The following CEP112 variants were observed in gnomAD, a reference collection of about 807,000 sequenced individuals.
CEP112 encodes the protein centrosomal protein 112.
CEP112 carries 127 observed loss-of-function variants against 153.0 expected under a neutral mutation model. The ratio of observed to expected loss-of-function variants is 0.83; its 90% CI spans 0.72 to 0.96. CEP112 has a LOEUF of 0.96. Among genes scored for constraint, CEP112 ranks in the 40% least tolerant of loss-of-function variants. CEP112 has a pLI of 0.00. For synonymous variants in CEP112, 358 were observed against 374.4 expected, an observed-to-expected ratio of 0.96 and a Z score of 0.51; for missense variants, 1,089 against 1,101.2, an observed-to-expected ratio of 0.99 and a Z score of 0.16.
intron 24 of CEP112, among the ~76,000 whole-genome samples, chr17:65,643,853 G>A (rs755286037): frequency 4.2e-4 from 64 of 152,310 alleles, no homozygotes; most frequent in East Asian, 5.8e-4. Context: ...CAGAAAATTT[G>A]GCAAATATGT....
At chr17:66,172,772 G>A (rs1020935948) in intron 4 of CEP112, among the ~76,000 whole-genome samples, 5 of 152,152 alleles carry the variant, frequency 3.3e-5, no homozygotes, top group African/African-American at 1.2e-4. Context: ...CATAGCCACT[G>A]CACTGAAACT....
At chr17:66,076,149 G>A (rs1486250390) in intron 8 of CEP112, among the ~76,000 whole-genome samples, 1 of 152,220 alleles carries the variant, frequency 6.6e-6, no homozygotes, top group African/African-American at 2.4e-5. Context: ...ACCACAGAGA[G>A]AAGGAAGTCT....
intron 24 of CEP112, among the ~76,000 whole-genome samples, chr17:65,679,129 CT>C (rs57907674): frequency 1.6e-4 from 5 of 31,630 alleles, no homozygotes; most frequent in Non-Finnish European, 2.4e-4. Context: ...GTGGTTCAAG[CT>C]TTTTTTTTTT....
chr17:65,977,581 G>C (rs1265355334), intron 17 of CEP112, among the ~76,000 whole-genome samples: 1 of 152,150 alleles, frequency 6.6e-6, no homozygotes, highest in Non-Finnish European at 1.5e-5. Context: ...ATGGTCCTAT[G>C]GCAGAGAACA....
rs1159744619 is a variant in CEP112, at chr17:65,970,352, TA to T, written c.1737-8755del. ...GCATGCATATTACATGCATGTGCAC[TA>T]TGTGCCTATATTACATGCACACATC... On this transcript the variant is annotated intron_variant, in intron 17 of 26. Transcript: ENST00000535342. 2.4e-5 allele frequency among the ~76,000 whole-genome samples: 2 copies of T among 83,448 alleles called. 1 individual carries two copies. Among genetic ancestry groups the T allele is most frequent in the Non-Finnish European group, 5.4e-5 (2 of 36,842 alleles). 54.7% of individuals were successfully genotyped at this position (83,448 alleles called of 152,430 possible).
chr17:66,007,572 G>C (rs1017639088), intron 16 of CEP112, among the ~76,000 whole-genome samples: 2 of 152,118 alleles, frequency 1.3e-5, no homozygotes, highest in Non-Finnish European at 1.5e-5. Context: ...TTAATGTAGA[G>C]AGTCAAAGAC....
intron 23 of CEP112, among the ~76,000 whole-genome samples, chr17:65,690,113 C>CAAAAAAAAAAAAAAAAAAAAAAAAAAAAA (rs67399289): frequency 6.4e-5 from 4 of 62,574 alleles, no homozygotes; most frequent in Admixed American, 2.1e-4. Flanking sequence ...GAAAACAGAC[C>CAAAAAAAAAAAAAAAAAAAAAAAAAAAAA]AAAAAAAAAA....
rs78568387 is a variant in CEP112, at chr17:65,735,477, C to T, written c.2607+7591G>A. ...AGATTTAACAAAATCAATACAGACG[C>T]TCTTCAACTAAGATGGTGTTAAGTC... On this transcript the variant is annotated intron_variant, in intron 23 of 26. Coordinates refer to ENST00000535342, the MANE Select transcript of CEP112 (RefSeq NM_001199165.4). 7.4e-3 allele frequency among the ~76,000 whole-genome samples: 1,128 copies of T among 152,220 alleles called. 9 individuals are homozygous for T. Among genetic ancestry groups the T allele is most frequent in the Non-Finnish European group, 0.012 (801 of 68,008 alleles).
At chr17:66,001,130 C>T (rs2064027217) in intron 17 of CEP112, among the ~76,000 whole-genome samples, 1 of 152,188 alleles carries the variant, frequency 6.6e-6, no homozygotes, top group Admixed American at 6.5e-5. Context: ...GCTTGTCTCC[C>T]ACTCTGGAGC....
At chr17:66,179,105 T>C (rs6504402) in intron 2 of CEP112, among the ~76,000 whole-genome samples, 57,815 of 152,034 alleles carry the variant, frequency 0.38, 11,743 homozygotes, top group Non-Finnish European at 0.46. Context: ...CTCTGTAGTA[T>C]AATTTGAAGT....
chr17:66,040,647 C>T (rs1038015830), intron 12 of CEP112, among the ~76,000 whole-genome samples: 7 of 151,814 alleles, frequency 4.6e-5, no homozygotes, highest in South Asian at 2.1e-4. Flanking sequence ...GTGCCAACCA[C>T]GCTTGGCGAA....
chr17:66,180,724 G>T (rs9893591), intron 2 of CEP112, among the ~76,000 whole-genome samples: 42,818 of 151,944 alleles, frequency 0.28, 6,276 homozygotes, highest in Non-Finnish European at 0.32. Context: ...TTAGGTCTCA[G>T]GAAAACTATT....
chr17:65,670,246 T>G (rs886340522), intron 24 of CEP112, among the ~76,000 whole-genome samples: 5 of 151,618 alleles, frequency 3.3e-5, no homozygotes, highest in Non-Finnish European at 7.4e-5. Flanking sequence ...CAAAATACCC[T>G]CTAATTATAC....
chr17:65,901,986 G>C (rs1180690178), intron 20 of CEP112, among the ~76,000 whole-genome samples, 166 bp downstream of exon 20: 2 of 41,746 alleles, frequency 4.8e-5, no homozygotes, highest in African/African-American at 8.3e-5. Flanking sequence ...CCCAAAACGG[G>C]GGGGGGGGGG....
intron 21 of CEP112, among the ~76,000 whole-genome samples, chr17:65,823,964 C>T (rs996617087): frequency 6.6e-6 from 1 of 152,140 alleles, no homozygotes; most frequent in African/African-American, 2.4e-5. Context: ...ATGAAGGGTG[C>T]AACCTAACTG....
chr17:65,663,331 T>C (rs1452017079), intron 24 of CEP112, among the ~76,000 whole-genome samples: 1 of 152,208 alleles, frequency 6.6e-6, no homozygotes, highest in South Asian at 2.1e-4. Flanking sequence ...TAGGTTAATA[T>C]ATACTTTAAA....
At chr17:65,829,071 A>T (rs1489544136) in intron 21 of CEP112, among the ~76,000 whole-genome samples, 1 of 152,154 alleles carries the variant, frequency 6.6e-6, no homozygotes, top group Non-Finnish European at 1.5e-5. Flanking sequence ...TGGTATTATT[A>T]ATTTAAAATT....
intron 17 of CEP112, among the ~76,000 whole-genome samples, chr17:65,979,329 A>G (rs1390630100): frequency 2.0e-5 from 3 of 151,816 alleles, no homozygotes; most frequent in Non-Finnish European, 2.9e-5. Flanking sequence ...ATAACCTCAA[A>G]CTCCTGCAAT....
intron 21 of CEP112, among the ~76,000 whole-genome samples, chr17:65,824,628 T>C (rs532835831): frequency 6.6e-6 from 1 of 152,268 alleles, no homozygotes; most frequent in South Asian, 2.1e-4. Context: ...AGGGACATCT[T>C]TGAGGAAGAA....
Sources: allele counts gnomAD v4.1 joint callset (sites outside exome capture counted in the v4.1 genomes callset), GRCh38; gene constraint gnomAD v4.1.1; transcripts MANE v1.5; gene names NCBI Gene and HGNC (gene_info 2026-07-23, HGNC 2026-07-21).